The following C5 variants were observed in gnomAD, a reference collection of about 807,000 sequenced individuals.
The protein encoded by C5 is complement C5.
Under a neutral mutation model 218.8 loss-of-function variants are expected in C5, and 140 were observed. The observed-to-expected ratio is 0.64, with a 90% CI of 0.56 to 0.74. C5 has a LOEUF of 0.74. C5 is among the 30% of genes least tolerant of loss of function. The pLI, the probability that C5 is intolerant of heterozygous loss-of-function variation, is 0.00. For missense variants in C5, 1,700 were observed against 1,969.6 expected, an observed-to-expected ratio of 0.86 and a Z score of 2.59; for synonymous variants, 614 against 682.3, an observed-to-expected ratio of 0.90 and a Z score of 1.56.
the C5 span, among the ~76,000 whole-genome samples, chr9:121,061,879 A>C: frequency 6.6e-6 from 1 of 152,096 alleles, no homozygotes; most frequent in Non-Finnish European, 1.5e-5. Context: ...TTCTACCCAC[A>C]CTCTCCACCT....
Position 120,953,785 on chromosome 9 carries a change from G to C in C5, c.4846C>G (p.Gln1616Glu), listed in dbSNP as rs1281384487. ...GCTTCTTTACCCATAATTAAGTACT[G>C]TCTTCCTTTTACCAGCTCAGCGTTA... is the stretch of plus-strand genomic sequence containing the variant. ...CTNAELVKGR[Q>E]YLIMGKEALQ... The change falls in exon 40 of 41, where the codon CAG becomes GAG. Residue 1616 changes from glutamine (Q) to glutamate (E), a missense_variant. Coordinates refer to ENST00000223642, the MANE Select transcript of C5 (RefSeq NM_001735.3). The C allele has an allele frequency of 2.5e-6, 4 of 1,613,730 alleles. No individual in the cohort carries two copies. The highest frequency in any genetic ancestry group is 1.7e-5 in the Admixed American group (1 of 60,006).
intron 5 of C5, among the ~76,000 whole-genome samples, chr9:121,032,990 G>C (rs1410877589): frequency 6.6e-6 from 1 of 151,698 alleles, no homozygotes; most frequent in African/African-American, 2.4e-5. Context: ...GACAGAGTGA[G>C]ACTCTGTTTC....
the C5 span, among the ~76,000 whole-genome samples, chr9:121,062,873 C>T: frequency 6.6e-6 from 1 of 151,944 alleles, no homozygotes; most frequent in Non-Finnish European, 1.5e-5. Flanking sequence ...TCATGTGTTG[C>T]TTTTCTCTTG....
chr9:121,061,960 C>G, the C5 span, among the ~76,000 whole-genome samples: 2 of 152,320 alleles, frequency 1.3e-5, no homozygotes, highest in African/African-American at 4.8e-5. Flanking sequence ...CCCTTTCTTT[C>G]TATGTTATCA....
At chr9:121,014,135 A>T in intron 16 of C5, 65 bp from the exon 17 acceptor site, 1 of 1,386,278 alleles carries the variant, frequency 7.2e-7, no homozygotes, top group Non-Finnish European at 1.0e-6. Flanking sequence ...GCTTAGAAGG[A>T]ATCTCAAGGG....
chr9:121,046,549 A>G (rs1041436542), intron 1 of C5, among the ~76,000 whole-genome samples, 166 bp from the exon 2 acceptor site: 1 of 152,208 alleles, frequency 6.6e-6, no homozygotes, highest in Non-Finnish European at 1.5e-5. Flanking sequence ...CCATAACTTC[A>G]GCATAATTTC....
At chr9:121,052,778 T>C (rs2047679081), upstream of C5, among the ~76,000 whole-genome samples, 1 of 152,214 alleles carries the variant, frequency 6.6e-6, no homozygotes, top group Admixed American at 6.5e-5. Context: ...AAGGTGCTCC[T>C]AGCAGGATAA....
chr9:121,052,584 G>A (rs893055963), upstream of C5, among the ~76,000 whole-genome samples: 8 of 151,822 alleles, frequency 5.3e-5, no homozygotes, highest in African/African-American at 1.9e-4. Flanking sequence ...AGAAAGTTTG[G>A]TGGTCACCTG....
At chr9:121,047,477 G>A (rs2047637480) in intron 1 of C5, among the ~76,000 whole-genome samples, 1 of 152,056 alleles carries the variant, frequency 6.6e-6, no homozygotes, top group African/African-American at 2.4e-5. Flanking sequence ...AATTTGAATA[G>A]CGAGAACTAC....
chr9:120,953,926 T>C (rs1481941412), intron 39 of C5, 58 bp from the exon 40 acceptor site: 2 of 1,587,316 alleles, frequency 1.3e-6, no homozygotes, highest in East Asian at 2.2e-5. Flanking sequence ...GTCACAATTA[T>C]AAACTCTCAA....
chr9:121,007,804 G>A (rs1377829082), intron 18 of C5, among the ~76,000 whole-genome samples: 3 of 152,218 alleles, frequency 2.0e-5, no homozygotes, highest in Admixed American at 1.3e-4. Context: ...GCTAGCTAAT[G>A]GGTAATGTCA....
At chr9:120,976,543 T>C (rs762033580) in intron 29 of C5, among the ~76,000 whole-genome samples, 157 bp downstream of exon 29, 8 of 152,226 alleles carry the variant, frequency 5.3e-5, no homozygotes, top group Non-Finnish European at 8.8e-5. Flanking sequence ...AATAAGAGTG[T>C]TGACGCAGAT....
upstream of C5, among the ~76,000 whole-genome samples, chr9:121,054,626 A>G (rs1034583654): frequency 6.6e-6 from 1 of 152,098 alleles, no homozygotes; most frequent in African/African-American, 2.4e-5. Flanking sequence ...ATAAAAATAA[A>G]CCTGCTGTAA....
intron 38 of C5, 81 bp downstream of exon 38, chr9:120,960,167 T>TA: frequency 1.1e-6 from 1 of 876,880 alleles, no homozygotes; most frequent in Non-Finnish European, 1.9e-6. Context: ...AATCACTATA[T>TA]AAAGTTTTTG....
chr9:121,002,507 A>G (rs1252521326), intron 20 of C5, among the ~76,000 whole-genome samples: 5 of 151,522 alleles, frequency 3.3e-5, no homozygotes, highest in African/African-American at 9.7e-5. Flanking sequence ...TACAATTTAC[A>G]TGGTTTAAGA....
At chr9:120,988,703 T>C (rs942045299) in intron 25 of C5, among the ~76,000 whole-genome samples, 1 of 152,194 alleles carries the variant, frequency 6.6e-6, no homozygotes, top group Admixed American at 6.5e-5. Flanking sequence ...TGATCTAACA[T>C]ATGTTTTAAC....
At chr9:121,002,316 G>GTATATATATATATATA (rs71370614) in intron 20 of C5, among the ~76,000 whole-genome samples, 72 of 87,342 alleles carry the variant, frequency 8.2e-4, no homozygotes, top group African/African-American at 3.0e-3. Context: ...ATATGTGTGT[G>GTATATATATATATATA]TATATATATA....
rs747610446 is a variant in C5, at chr9:120,962,887, G to A, written c.4398+6C>T. The A allele has an allele frequency of 8.7e-6, 14 of 1,613,448 alleles. No homozygotes were observed. The highest frequency in any genetic ancestry group is 1.2e-5 in the Non-Finnish European group (14 of 1,179,358). Reference sequence around the variant, plus strand: ...TAAAGGAAAAATGGTTGCAGGTGGAGCTTACCGAATTCAGTTGCAGAATAA... The same window carrying A: ...TAAAGGAAAAATGGTTGCAGGTGGAACTTACCGAATTCAGTTGCAGAATAA... On this transcript the variant is annotated splice_donor_region_variant and intron_variant, in intron 35 of 40. Coordinates refer to ENST00000223642, the MANE Select transcript of C5 (RefSeq NM_001735.3).
chr9:121,070,417 A>ATG, the C5 span, among the ~76,000 whole-genome samples: 9 of 128,548 alleles, frequency 7.0e-5, no homozygotes, highest in African/African-American at 2.7e-4. Context: ...ATATATATAT[A>ATG]TATATATATG....
Sources: gnomAD v4.1 joint callset for allele counts (sites outside exome capture counted in the v4.1 genomes callset) on GRCh38, gnomAD v4.1.1 for gene constraint, MANE v1.5 for transcripts, NCBI Gene and HGNC (gene_info 2026-07-23, HGNC 2026-07-21) for gene names.